Variants in OVCH2 observed in about 807,000 individuals in gnomAD.
The protein encoded by OVCH2 is ovochymase 2, also known as ovochymase-2.
Under a neutral mutation model 73.7 loss-of-function variants are expected in OVCH2, and 88 were observed. The ratio of observed to expected loss-of-function variants is 1.19; its 90% CI spans 1.01 to 1.43. OVCH2 has a LOEUF of 1.43. Among genes scored for constraint, OVCH2 ranks in the 40% most tolerant of loss-of-function variants. The probability of loss-of-function intolerance (pLI) is 0.00; values close to 1 mark genes in which losing one functional copy is unlikely to be tolerated. For synonymous variants in OVCH2, 265 were observed against 234.5 expected (o/e 1.13, Z -1.19); for missense variants, 706 against 674.5 (o/e 1.05, Z -0.52).
chr11:7,700,285 G>T lies in OVCH2; in HGVS notation c.901+11C>A, dbSNP rs1295136884. 6.2e-7 allele frequency: 1 copy of T among 1,612,202 alleles called. No homozygotes were observed. Among genetic ancestry groups the T allele is most frequent in the Non-Finnish European group, 8.5e-7 (1 of 1,178,604 alleles). ...TGGCAGCTTCTTAACCTTGTGTGAT[G>T]GCTTAGTTACCAGTTTGGATGTGTT... is the stretch of plus-strand genomic sequence containing the variant. On this transcript the variant is annotated intron_variant, in intron 7 of 15. Coordinates refer to ENST00000533663, the MANE Select transcript of OVCH2 (RefSeq NM_198185.7).
chr11:7,701,951 C>T (rs1484087879), intron 4 of OVCH2, 140 bp from the exon 5 acceptor site: 1 of 834,080 alleles, frequency 1.2e-6, no homozygotes, highest in African/African-American at 1.7e-5. Flanking sequence ...CCAGGGGTTA[C>T]TTGTCAATTA....
At chr11:7,687,050 A>G (rs7932813), downstream of OVCH2, among the ~76,000 whole-genome samples, 42,053 of 151,818 alleles carry the variant, frequency 0.28, 7,742 homozygotes, top group African/African-American at 0.53. Context: ...CTAAGCTGCT[A>G]TAGTTTTTTG....
chr11:7,697,724 C>T (rs1297224393), intron 8 of OVCH2, among the ~76,000 whole-genome samples: 1 of 152,072 alleles, frequency 6.6e-6, no homozygotes, highest in Non-Finnish European at 1.5e-5. Flanking sequence ...GTTTCTATTC[C>T]TTCCTTTTCA....
chr11:7,698,250 A>T (rs1390052951), intron 8 of OVCH2, among the ~76,000 whole-genome samples: 1 of 152,162 alleles, frequency 6.6e-6, no homozygotes, highest in East Asian at 1.9e-4. Flanking sequence ...TGCTCTTTGT[A>T]GATCTTTCCA....
At chr11:7,700,573 G>C (rs1856418660) in intron 6 of OVCH2, 88 bp from the exon 7 acceptor site, 3 of 1,394,060 alleles carry the variant, frequency 2.2e-6, no homozygotes, top group African/African-American at 1.5e-5. Context: ...TGCTGGAGGA[G>C]GATCAATGAC....
At chr11:7,697,878 T>G (rs1157869743) in intron 8 of OVCH2, among the ~76,000 whole-genome samples, 1 of 152,236 alleles carries the variant, frequency 6.6e-6, no homozygotes, top group Non-Finnish European at 1.5e-5. Flanking sequence ...CAAACCTACT[T>G]ATCTAATTAA....
At chr11:7,683,426 G>GA in the OVCH2 span, among the ~76,000 whole-genome samples, 1 of 152,102 alleles carries the variant, frequency 6.6e-6, no homozygotes. Context: ...AATACGTCCA[G>GA]AATCTGACTT....
intron 4 of OVCH2, 26 bp downstream of exon 4, chr11:7,702,131 A>C: frequency 6.4e-7 from 1 of 1,566,388 alleles, no homozygotes; most frequent in South Asian, 1.1e-5. Flanking sequence ...GGGGTAGACA[A>C]TTCAGTATGA....
At chr11:7,679,706 T>A in the OVCH2 span, among the ~76,000 whole-genome samples, 1 of 152,204 alleles carries the variant, frequency 6.6e-6, no homozygotes, top group East Asian at 1.9e-4. Flanking sequence ...GTCTCAGGGA[T>A]GTTCTTTGTA....
intron 8 of OVCH2, among the ~76,000 whole-genome samples, chr11:7,698,332 A>T (rs1260138257): frequency 6.6e-6 from 1 of 152,192 alleles, no homozygotes; most frequent in East Asian, 1.9e-4. Flanking sequence ...TATTTTCTTT[A>T]TGGATGAGGG....
At position 7,700,453 on chromosome 11, in the gene OVCH2, A is replaced by C. The variant is rs751803942; in HGVS notation, c.744T>G (p.Asn248Lys). Residue 248 changes from asparagine to lysine, a missense_variant, in exon 7 of 16, where the codon AAT becomes AAG. Coordinates refer to ENST00000533663, the MANE Select transcript of OVCH2 (RefSeq NM_198185.7). ...CAGCCAGAGTCCAGGCCCCTTTCTT[A>C]TTCCGGCACATGAGTGAACCTCCTG... is the stretch of plus-strand genomic sequence containing the variant. ...GDSGGSLMCR[N>K]KKGAWTLAGV... 6.2e-7 allele frequency: 1 copy of C among 1,609,696 alleles called. No individual in the cohort carries two copies. Among genetic ancestry groups the C allele is most frequent in the African/African-American group, 1.3e-5 (1 of 74,862 alleles).
chr11:7,682,703 C>T, the OVCH2 span, among the ~76,000 whole-genome samples: 2 of 152,204 alleles, frequency 1.3e-5, no homozygotes, highest in Non-Finnish European at 2.9e-5. Flanking sequence ...TGATCAGTTC[C>T]TTCTCTCCAT....
rs553881964 is a variant in OVCH2, at chr11:7,699,048, G to C, written c.902-275C>G. 425 of 378,316 alleles carry C rather than the reference G, an allele frequency of 1.1e-3. 6 individuals are homozygous for C. In the South Asian group the frequency reaches 0.013, roughly 11 times the overall value. The allele number at this position is 378,316 out of a possible 1,614,324, so 23.4% of individuals were successfully genotyped here. ...GAAGGGGTCATTTTACATAAGAACA[G>C]AGGCTAGAGATGGAAATAGTTTGTC... On this transcript the variant is annotated intron_variant, in intron 7 of 15. Transcript: ENST00000533663.
At chr11:7,679,923 C>T in the OVCH2 span, among the ~76,000 whole-genome samples, 386 of 152,268 alleles carry the variant, frequency 2.5e-3, 2 homozygotes, top group African/African-American at 9.0e-3. Flanking sequence ...CGTGGAGGTC[C>T]CTAGGGCACA....
chr11:7,698,984 G>A (rs1856385640), intron 7 of OVCH2: 1 of 503,438 alleles, frequency 2.0e-6, no homozygotes, highest in Non-Finnish European at 3.5e-6. Flanking sequence ...TATTAAGTGG[G>A]CTAATATGAA....
chr11:7,694,210 C>T (rs35358145), intron 12 of OVCH2, among the ~76,000 whole-genome samples: 2,174 of 152,276 alleles, frequency 0.014, 24 homozygotes, highest in Middle Eastern at 0.024. Context: ...TCCAATCTCA[C>T]CCTGACTGCA....
At position 7,700,276 on chromosome 11, in the gene OVCH2, T is replaced by C. The variant is rs1414213261; in HGVS notation, c.901+20A>G. 6 of 1,611,312 alleles carry C rather than the reference T, an allele frequency of 3.7e-6. No individual in the cohort carries two copies. The highest frequency in any genetic ancestry group is 5.1e-6 in the Non-Finnish European group (6 of 1,177,898). On this transcript the variant is annotated intron_variant, in intron 7 of 15. Coordinates refer to ENST00000533663, the MANE Select transcript of OVCH2 (RefSeq NM_198185.7). The stretch of plus-strand genomic sequence containing the variant: ...CTAGCAGAATGGCAGCTTCTTAACC[T>C]TGTGTGATGGCTTAGTTACCAGTTT...
In OVCH2 at chr11:7,704,560, C is replaced by A; in HGVS notation, c.198+5G>T. ...TCTTGATGCATAGAAGTCCTTGAGA[C>A]TCACCTGCCAGGGATAGGAACCCTT... is the stretch of plus-strand genomic sequence containing the variant. On this transcript the variant is annotated splice_donor_5th_base_variant and intron_variant, in intron 2 of 15. Transcript: ENST00000533663. 6.3e-7 allele frequency: 1 copy of A among 1,586,330 alleles called. No homozygotes were observed. The highest frequency in any genetic ancestry group is 2.2e-5 in the East Asian group (1 of 44,614).
In OVCH2 at chr11:7,696,742, G is replaced by A. The variant is rs1310579526; in HGVS notation, c.983C>T (p.Pro328Leu). 1 of 1,613,146 alleles carries A rather than the reference G, an allele frequency of 6.2e-7. No individual in the cohort carries two copies. Among genetic ancestry groups the A allele is most frequent in the Non-Finnish European group, 8.5e-7 (1 of 1,179,614 alleles). Residue 328 changes from proline (P) to leucine (L), a missense_variant, in exon 9 of 16, where the codon CCA (proline) becomes CTA (leucine). Pro to Leu is a moderately conservative substitution (Grantham distance 98). Transcript: ENST00000533663. ...CTCATAATATAGGTGGAGGCTTTCTGGGAAGTGCAGCTTCCCCTCAGCCCC... is the reference window on the plus strand; with the variant it reads ...CTCATAATATAGGTGGAGGCTTTCTAGGAAGTGCAGCTTCCCCTCAGCCCC... ...VSGAEGKLHFPESLHLYYESK... is the reference protein window; with the variant it reads ...VSGAEGKLHFLESLHLYYESK...
Sources: allele counts gnomAD v4.1 joint callset (sites outside exome capture counted in the v4.1 genomes callset), GRCh38; gene constraint gnomAD v4.1.1; transcripts MANE v1.5; gene names NCBI Gene and HGNC (gene_info 2026-07-23, HGNC 2026-07-21).